ADAMTS17: variants seen among roughly 807,000 people sequenced by gnomAD.
ADAMTS17 encodes ADAM metallopeptidase with thrombospondin type 1 motif 17.
A neutral mutation model predicts 141.5 loss-of-function variants in ADAMTS17; 113 were observed. The observed-to-expected ratio is 0.80, with a 90% confidence interval of 0.69 to 0.93. The LOEUF (loss-of-function observed/expected upper bound fraction) is 0.93. Ranked by LOEUF, ADAMTS17 falls within the 40% of genes least tolerant of loss-of-function variation. ADAMTS17 has a pLI of 0.00. For missense variants in ADAMTS17, 1,659 were observed against 1,517.9 expected (o/e 1.09, Z -1.54); for synonymous variants, 768 against 630.6 (o/e 1.22, Z -3.27).
At chr15:100,163,867 T>C (rs530954393) in intron 8 of ADAMTS17, among the ~76,000 whole-genome samples, 1 of 152,318 alleles carries the variant, frequency 6.6e-6, no homozygotes, top group South Asian at 2.1e-4. Context: ...TACCACTTTG[T>C]CTGAGCATTT....
rs781241404 is a variant in ADAMTS17, at chr15:100,053,880, G to A, written c.2295+17C>T. On this transcript the variant is annotated intron_variant, in intron 16 of 21. Transcript: ENST00000268070. ...AGCCACACCCCCTAAGACAAGTGTG[G>A]AAGCCCAGCAAGTTACCATCAAGTG... 7 of 1,614,166 alleles carry A rather than the reference G, an allele frequency of 4.3e-6. No individual in the cohort carries two copies. The highest frequency in any genetic ancestry group is 5.9e-6 in the Non-Finnish European group (7 of 1,180,016).
intron 13 of ADAMTS17, among the ~76,000 whole-genome samples, chr15:100,110,840 G>A (rs1322502934): frequency 6.6e-6 from 1 of 152,118 alleles, no homozygotes; most frequent in African/African-American, 2.4e-5. Flanking sequence ...GGCCTCGGAC[G>A]ACCTTGGCAT....
At chr15:99,996,289 A>G (rs1288066275) in intron 19 of ADAMTS17, among the ~76,000 whole-genome samples, 1 of 152,176 alleles carries the variant, frequency 6.6e-6, no homozygotes. Flanking sequence ...ATCTGATCAA[A>G]GCACAAGTCT....
At chr15:100,172,990 C>T (rs976239983) in intron 8 of ADAMTS17, among the ~76,000 whole-genome samples, 28 of 152,198 alleles carry the variant, frequency 1.8e-4, no homozygotes, top group African/African-American at 5.3e-4. Context: ...TCTCAAACTT[C>T]TGTGCACATT....
At chr15:100,332,514 T>C (rs1407086593) in intron 2 of ADAMTS17, among the ~76,000 whole-genome samples, 1 of 152,244 alleles carries the variant, frequency 6.6e-6, no homozygotes, top group Non-Finnish European at 1.5e-5. Flanking sequence ...ACCCTGGCTG[T>C]GGGTCAAAGC....
At chr15:100,047,112 C>T (rs1407418181) in intron 18 of ADAMTS17, among the ~76,000 whole-genome samples, 1 of 151,898 alleles carries the variant, frequency 6.6e-6, no homozygotes, top group African/African-American at 2.4e-5. Flanking sequence ...ATGGTTGAGA[C>T]AGTAGGCATG....
chr15:100,173,054 G>A (rs1046132115), intron 8 of ADAMTS17, among the ~76,000 whole-genome samples: 2 of 152,206 alleles, frequency 1.3e-5, no homozygotes, highest in Non-Finnish European at 2.9e-5. Context: ...AAGGGGTGGG[G>A]TGGGGAGATG....
Position 100,092,360 on chromosome 15 carries a change from C to T in ADAMTS17, c.2137+3996G>A, listed in dbSNP as rs558998297. On this transcript the variant is annotated intron_variant, in intron 15 of 21. Coordinates refer to ENST00000268070, the MANE Select transcript of ADAMTS17 (RefSeq NM_139057.4). ...TGATTCTATTCAGAAAACACTCAGA[C>T]GCGTGAGCCAGGCAAGAGCCACACC... 1.4e-4 allele frequency among the ~76,000 whole-genome samples: 21 copies of T among 152,320 alleles called. No individual in the cohort carries two copies. In the South Asian group the frequency reaches 2.5e-3, roughly 18 times the overall value.
intron 20 of ADAMTS17, among the ~76,000 whole-genome samples, chr15:99,989,633 T>C (rs1459554950): frequency 6.6e-6 from 1 of 152,232 alleles, no homozygotes; most frequent in Non-Finnish European, 1.5e-5. Flanking sequence ...CCTGGTCTGT[T>C]GGTAGCTCAC....
intron 7 of ADAMTS17, among the ~76,000 whole-genome samples, chr15:100,237,710 G>A (rs767056906): frequency 3.3e-5 from 5 of 152,068 alleles, no homozygotes; most frequent in African/African-American, 9.7e-5. Context: ...TGCAACCTCC[G>A]CCTCCCAGGT....
intron 12 of ADAMTS17, among the ~76,000 whole-genome samples, chr15:100,122,861 G>C (rs1334061041): frequency 6.6e-6 from 1 of 152,182 alleles, no homozygotes; most frequent in Non-Finnish European, 1.5e-5. Flanking sequence ...GAGCAGCAGA[G>C]ACAGAAAAAA....
Position 100,261,596 on chromosome 15 carries a change from T to A in ADAMTS17, c.914A>T (p.Glu305Val), listed in dbSNP as rs1184175060. The A allele has an allele frequency of 6.2e-7, 1 of 1,614,046 alleles. No homozygotes were observed. The change falls in exon 6 of 22, where the codon GAG becomes GTG. Residue 305 changes from glutamate to valine, a missense_variant. Transcript: ENST00000268070. ...SIGHHGERSL[E>V]SFCHWQNEEY... is the part of the protein sequence containing the mutation. ...CTCGTTCTGCCAGTGACAGAAGCTC[T>A]CCAGGGACCGCTCACCATGGTGCCC...
chr15:100,260,263 G>A (rs564573045), intron 6 of ADAMTS17, among the ~76,000 whole-genome samples: 2 of 152,328 alleles, frequency 1.3e-5, no homozygotes, highest in South Asian at 2.1e-4. Flanking sequence ...CACATGGCCT[G>A]AGAAATGCAA....
intron 3 of ADAMTS17, among the ~76,000 whole-genome samples, chr15:100,325,503 T>C (rs2045872119): frequency 6.6e-6 from 1 of 152,132 alleles, no homozygotes; most frequent in Admixed American, 6.5e-5. Context: ...CCTCCAGATC[T>C]CATAATGAAA....
At chr15:100,278,353 A>G (rs1422627106) in intron 4 of ADAMTS17, among the ~76,000 whole-genome samples, 2 of 151,652 alleles carry the variant, frequency 1.3e-5, no homozygotes, top group Non-Finnish European at 2.9e-5. Flanking sequence ...ACCCAGAAAA[A>G]GAAACTTGCA....
At chr15:100,253,143 G>A (rs986167037) in intron 7 of ADAMTS17, among the ~76,000 whole-genome samples, 3 of 151,444 alleles carry the variant, frequency 2.0e-5, no homozygotes, top group South Asian at 2.1e-4. Context: ...TTTTGATTCT[G>A]GCAATGCAAT....
intron 7 of ADAMTS17, among the ~76,000 whole-genome samples, chr15:100,236,794 C>T (rs1298071218): frequency 6.6e-6 from 1 of 152,094 alleles, no homozygotes; most frequent in Non-Finnish European, 1.5e-5. Context: ...GCTATGACTG[C>T]ACCACTGCAC....
intron 19 of ADAMTS17, among the ~76,000 whole-genome samples, chr15:99,994,299 T>C (rs1197547912): frequency 1.3e-5 from 2 of 152,200 alleles, no homozygotes; most frequent in African/African-American, 4.8e-5. Context: ...GCACTGACTT[T>C]CTTGAGTTAT....
At chr15:100,230,783 G>T (rs1299224882) in intron 7 of ADAMTS17, among the ~76,000 whole-genome samples, 3 of 138,038 alleles carry the variant, frequency 2.2e-5, no homozygotes, top group African/African-American at 7.9e-5. Context: ...TTATAAAAAT[G>T]AATTTAAACA....
Sources: allele counts gnomAD v4.1 joint callset (sites outside exome capture counted in the v4.1 genomes callset), GRCh38; gene constraint gnomAD v4.1.1; transcripts MANE v1.5; gene names NCBI Gene and HGNC (gene_info 2026-07-23, HGNC 2026-07-21).